The following LRMDA variants were observed in gnomAD, a reference collection of about 807,000 sequenced individuals.
The protein encoded by LRMDA is leucine rich melanocyte differentiation associated, also known as leucine-rich melanocyte differentiation-associated protein.
In LRMDA, 18 loss-of-function variants were observed where a neutral mutation model predicts 29.8. That is an observed-to-expected ratio of 0.60 (90% confidence interval 0.42 to 0.90). The LOEUF is 0.90. LRMDA is among the 40% of genes least tolerant of loss of function. The pLI is 0.00. For missense variants in LRMDA, 273 were observed against 273.9 expected, an observed-to-expected ratio of 1.00 and a Z score of 0.02; for synonymous variants, 125 against 109.4, an observed-to-expected ratio of 1.14 and a Z score of -0.89.
chr10:75,438,525 C>T, intron 2 of LRMDA, 31 bp downstream of exon 2: 4 of 1,506,000 alleles, frequency 2.7e-6, no homozygotes, highest in Non-Finnish European at 3.6e-6. Context: ...GTAGGCCAGG[C>T]CTGGGAGGCC....
At chr10:75,530,615 C>T (rs1340757385) in intron 2 of LRMDA, among the ~76,000 whole-genome samples, 1 of 152,186 alleles carries the variant, frequency 6.6e-6, no homozygotes, top group African/African-American at 2.4e-5. Flanking sequence ...AATCCTTCCT[C>T]ATAAATCAGC....
intron 2 of LRMDA, among the ~76,000 whole-genome samples, chr10:75,682,964 A>C (rs1053264112): frequency 2.7e-4 from 41 of 152,268 alleles, no homozygotes; most frequent in Admixed American, 2.4e-3. Context: ...ATCCCCAGGG[A>C]CTTGCCTGAC....
chr10:76,053,575 G>T (rs1848564467), intron 4 of LRMDA, among the ~76,000 whole-genome samples: 1 of 152,098 alleles, frequency 6.6e-6, no homozygotes, highest in South Asian at 2.1e-4. Flanking sequence ...ACATGACCTA[G>T]AACAAAGGGA....
chr10:75,774,533 T>C (rs1308268186), intron 2 of LRMDA, among the ~76,000 whole-genome samples: 4 of 152,180 alleles, frequency 2.6e-5, no homozygotes, highest in Non-Finnish European at 5.9e-5. Flanking sequence ...AAGTTCTGTA[T>C]GCAGGCCAAG....
At chr10:76,007,139 T>A (rs1331555263) in intron 2 of LRMDA, among the ~76,000 whole-genome samples, 1 of 152,160 alleles carries the variant, frequency 6.6e-6, no homozygotes, top group Non-Finnish European at 1.5e-5. Context: ...TATCTCATGC[T>A]AGCCAATTTC....
chr10:75,511,061 T>A (rs1426481039), intron 2 of LRMDA, among the ~76,000 whole-genome samples: 1 of 152,162 alleles, frequency 6.6e-6, no homozygotes, highest in African/African-American at 2.4e-5. Flanking sequence ...AAATAGTGTA[T>A]CACACCTGTA....
chr10:76,464,300 G>A (rs1232778470), intron 6 of LRMDA, among the ~76,000 whole-genome samples: 5 of 152,112 alleles, frequency 3.3e-5, no homozygotes, highest in Non-Finnish European at 7.3e-5. Context: ...AGAGAGATGA[G>A]GATTATGATG....
At chr10:76,250,300 T>C (rs1419624739) in intron 5 of LRMDA, among the ~76,000 whole-genome samples, 1 of 152,208 alleles carries the variant, frequency 6.6e-6, no homozygotes, top group Non-Finnish European at 1.5e-5. Context: ...TTAACTGCAT[T>C]CCTATAAATT....
At chr10:75,872,286 TTCTC>T (rs918715416) in intron 2 of LRMDA, among the ~76,000 whole-genome samples, 2 of 151,488 alleles carry the variant, frequency 1.3e-5, no homozygotes, top group Admixed American at 6.6e-5. Context: ...ATTCGTTCTA[TTCTC>T]TCTCTCTCTC....
intron 6 of LRMDA, among the ~76,000 whole-genome samples, chr10:76,516,860 T>G (rs1275353016): frequency 6.6e-6 from 1 of 152,204 alleles, no homozygotes; most frequent in Admixed American, 6.5e-5. Context: ...ATATACCCAG[T>G]AATGGGATGG....
At chr10:75,851,004 G>T (rs1362528642) in intron 2 of LRMDA, among the ~76,000 whole-genome samples, 3 of 152,010 alleles carry the variant, frequency 2.0e-5, no homozygotes, top group South Asian at 2.1e-4. Context: ...AAAAAAAATT[G>T]TTTTTTTAAC....
chr10:76,372,258 C>T (rs1841463370), intron 6 of LRMDA, among the ~76,000 whole-genome samples: 1 of 152,088 alleles, frequency 6.6e-6, no homozygotes. Flanking sequence ...AAAGGGAGTA[C>T]CATAGCCCTG....
At chr10:75,514,412 T>G (rs970889869) in intron 2 of LRMDA, among the ~76,000 whole-genome samples, 1 of 152,052 alleles carries the variant, frequency 6.6e-6, no homozygotes, top group Non-Finnish European at 1.5e-5. Context: ...CAGTCCTTAT[T>G]TGAAGAGGCT....
chr10:76,418,327 C>CTT (rs553692929), intron 6 of LRMDA, among the ~76,000 whole-genome samples: 14 of 122,514 alleles, frequency 1.1e-4, no homozygotes, highest in African/African-American at 3.8e-4. Flanking sequence ...TTTAGTTTTT[C>CTT]TTGTGTGTGT....
At chr10:76,093,250 C>T (rs1849259686) in intron 5 of LRMDA, among the ~76,000 whole-genome samples, 1 of 151,644 alleles carries the variant, frequency 6.6e-6, no homozygotes, top group Non-Finnish European at 1.5e-5. Context: ...GTTGGCCGGG[C>T]TGGTCTTGAA....
At chr10:75,745,483 A>C (rs1842880724) in intron 2 of LRMDA, among the ~76,000 whole-genome samples, 1 of 152,182 alleles carries the variant, frequency 6.6e-6, no homozygotes, top group Non-Finnish European at 1.5e-5. Context: ...CATTTCTTTT[A>C]AAAATAAACT....
chr10:75,713,567 C>T (rs990869155), intron 2 of LRMDA, among the ~76,000 whole-genome samples: 2 of 152,142 alleles, frequency 1.3e-5, no homozygotes, highest in Non-Finnish European at 2.9e-5. Flanking sequence ...CAAAACAACA[C>T]AAGAATTGTT....
At chr10:76,495,178 G>A (rs1842870129) in intron 6 of LRMDA, among the ~76,000 whole-genome samples, 2 of 151,836 alleles carry the variant, frequency 1.3e-5, no homozygotes, top group Admixed American at 1.3e-4. Context: ...TGTATAAATT[G>A]TGAGGTTTCG....
chr10:76,513,921 A>T (rs972268557), intron 6 of LRMDA, among the ~76,000 whole-genome samples: 2 of 152,214 alleles, frequency 1.3e-5, no homozygotes, highest in African/African-American at 4.8e-5. Flanking sequence ...CATGTATTAC[A>T]TAGCTTATCA....
Sources: gnomAD v4.1 joint callset for allele counts (sites outside exome capture counted in the v4.1 genomes callset) on GRCh38, gnomAD v4.1.1 for gene constraint, MANE v1.5 for transcripts, NCBI Gene and HGNC (gene_info 2026-07-23, HGNC 2026-07-21) for gene names.